ANKRD33B: variants seen among roughly 807,000 people sequenced by gnomAD.
The protein encoded by ANKRD33B is ankyrin repeat domain-containing protein 33B.
A neutral mutation model predicts 21.5 loss-of-function variants in ANKRD33B; 6 were observed. That is an observed-to-expected ratio of 0.28 (90% CI 0.15 to 0.55). The LOEUF (loss-of-function observed/expected upper bound fraction) is 0.55. Among genes scored for constraint, ANKRD33B ranks in the 20% least tolerant of loss-of-function variants. The pLI is 0.94. For synonymous variants in ANKRD33B, 347 were observed against 342.4 expected (o/e 1.01, Z -0.15); for missense variants, 698 against 747.2 (o/e 0.93, Z 0.77).
chr5:10,655,396 C>T lies in ANKRD33B; in HGVS notation c.*5283C>T, dbSNP rs1737460328. On this transcript the variant is annotated 3_prime_UTR_variant, in exon 4 of 4. Coordinates refer to ENST00000296657, the MANE Select transcript of ANKRD33B (RefSeq NM_001164440.2). ...ACCTGAAAAGTGGGTCTGCCACATC[C>T]CTGGTAGCCCGCCTCCAAGAGCACT... 1 of 152,338 alleles carries T rather than the reference C, an allele frequency of 6.6e-6. No homozygotes were observed. The highest frequency in any genetic ancestry group is 1.9e-4 in the East Asian group (1 of 5,338). 9.4% of individuals were successfully genotyped at this position (152,338 alleles called of 1,614,324 possible). A position where few individuals can be genotyped will look rare whatever the true frequency, so the allele number is the denominator to read the frequency against.
intron 2 of ANKRD33B, among the ~76,000 whole-genome samples, chr5:10,635,418 G>A (rs570245577): frequency 1.6e-4 from 24 of 152,258 alleles, no homozygotes; most frequent in African/African-American, 5.8e-4. Flanking sequence ...GCCCCTCCCC[G>A]CACATAGTAA....
intron 1 of ANKRD33B, among the ~76,000 whole-genome samples, chr5:10,588,181 G>A (rs1735609609): frequency 6.6e-6 from 1 of 152,184 alleles, no homozygotes; most frequent in Admixed American, 6.5e-5. Context: ...TGATAAAAAA[G>A]TGACTGCGAA....
chr5:10,598,064 C>G (rs1735853301), intron 1 of ANKRD33B, among the ~76,000 whole-genome samples: 1 of 152,102 alleles, frequency 6.6e-6, no homozygotes. Flanking sequence ...TTCCTGCCTC[C>G]TCCCACATCC....
intron 3 of ANKRD33B, among the ~76,000 whole-genome samples, chr5:10,641,927 T>G (rs980822318): frequency 3.3e-5 from 5 of 152,242 alleles, no homozygotes; most frequent in African/African-American, 7.2e-5. Context: ...CCCTCATCAA[T>G]GAGAAATGGT....
Position 10,649,399 on chromosome 5 carries a change from G to A in ANKRD33B, c.771G>A (p.Glu257=). ...LERPCPEQFW[E]KYRPELPPPP... is the part of the protein sequence containing the mutation. ...GCCCCTGCCCGGAGCAGTTCTGGGA[G>A]AAGTACCGGCCCGAGCTGCCGCCGC... The change falls in exon 4 of 4, where the codon GAG becomes GAA. Residue 257 remains glutamate (E), a synonymous_variant. Transcript: ENST00000296657. 6.5e-7 allele frequency: 1 copy of A among 1,535,566 alleles called. No homozygotes were observed. The highest frequency in any genetic ancestry group is 1.7e-4 in the Middle Eastern group (1 of 5,776).
intron 2 of ANKRD33B, among the ~76,000 whole-genome samples, chr5:10,634,611 C>T (rs1736811079): frequency 6.6e-6 from 1 of 151,810 alleles, no homozygotes; most frequent in Non-Finnish European, 1.5e-5. Flanking sequence ...AGGCATGCAC[C>T]AGCACACCCA....
chr5:10,625,938 G>A (rs553758273), intron 2 of ANKRD33B, among the ~76,000 whole-genome samples: 5 of 152,300 alleles, frequency 3.3e-5, no homozygotes, highest in Admixed American at 6.5e-5. Context: ...ATTACGGGGG[G>A]AAGGGTAGAG....
rs1737315671 is a variant in ANKRD33B at position 10,650,274 on chromosome 5, G to A, written c.*161G>A. 1 of 779,522 alleles carries A rather than the reference G, an allele frequency of 1.3e-6. No individual in the cohort carries two copies. The highest frequency in any genetic ancestry group is 4.3e-5 in the Admixed American group (1 of 23,216). The allele number at this position is 779,522 out of a possible 1,614,324, so 48.3% of individuals were successfully genotyped here. On this transcript the variant is annotated 3_prime_UTR_variant, in exon 4 of 4. Transcript: ENST00000296657. ...GGCTGTTTGTCCAGGCTGCTTCCAA[G>A]AGAGGGCTGAGGGAGCCACATGGAT...
rs761535058 is a variant in ANKRD33B at position 10,613,395 on chromosome 5, C to T, written c.367-4938C>T. ...TGCCTCCCGGGTTCATGCCATTCTC[C>T]TACCTCAGCCTCCTGAGTAGCTAGG... On this transcript the variant is annotated intron_variant, in intron 1 of 3. Coordinates refer to ENST00000296657, the MANE Select transcript of ANKRD33B (RefSeq NM_001164440.2). 1.2e-4 allele frequency among the ~76,000 whole-genome samples: 18 copies of T among 151,704 alleles called. No individual in the cohort carries two copies. The South Asian group carries it at 1.2e-3, about 11-fold the overall frequency.
At chr5:10,578,223 T>A (rs1356273886) in intron 1 of ANKRD33B, among the ~76,000 whole-genome samples, 2 of 152,202 alleles carry the variant, frequency 1.3e-5, no homozygotes, top group African/African-American at 4.8e-5. Flanking sequence ...AAATCCTGTA[T>A]CCTGGGAAAC....
intron 1 of ANKRD33B, among the ~76,000 whole-genome samples, chr5:10,617,928 C>T (rs1736322985): frequency 2.6e-5 from 4 of 152,200 alleles, no homozygotes; most frequent in Admixed American, 2.6e-4. Flanking sequence ...ATCACCTCTG[C>T]CAAGCCCAGC....
At chr5:10,630,006 A>G (rs750539146) in intron 2 of ANKRD33B, among the ~76,000 whole-genome samples, 12 of 152,160 alleles carry the variant, frequency 7.9e-5, no homozygotes, top group Non-Finnish European at 1.5e-4. Flanking sequence ...TGGATCTGGA[A>G]TTGGACTGAA....
intron 1 of ANKRD33B, among the ~76,000 whole-genome samples, chr5:10,587,419 A>G (rs1735589574): frequency 6.6e-6 from 1 of 152,162 alleles, no homozygotes; most frequent in Non-Finnish European, 1.5e-5. Flanking sequence ...GTGATGTTAA[A>G]GATCTTTCTG....
At chr5:10,645,795 T>C (rs1416589884) in intron 3 of ANKRD33B, among the ~76,000 whole-genome samples, 1 of 152,218 alleles carries the variant, frequency 6.6e-6, no homozygotes, top group Non-Finnish European at 1.5e-5. Context: ...CTGGGTTGCT[T>C]GGCTACTTTT....
At chr5:10,621,683 C>G (rs745481437) in intron 2 of ANKRD33B, among the ~76,000 whole-genome samples, 9 of 152,224 alleles carry the variant, frequency 5.9e-5, no homozygotes, top group Non-Finnish European at 8.8e-5. Context: ...TAGAGGCAAT[C>G]ACAAATGCTG....
At chr5:10,611,140 C>CAA (rs1266785710) in intron 1 of ANKRD33B, among the ~76,000 whole-genome samples, 1 of 152,032 alleles carries the variant, frequency 6.6e-6, no homozygotes, top group Non-Finnish European at 1.5e-5. Context: ...ACAGCTGCAC[C>CAA]AAATAGTGAT....
intron 1 of ANKRD33B, among the ~76,000 whole-genome samples, chr5:10,604,432 A>G (rs974263243): frequency 7.3e-5 from 11 of 150,290 alleles, no homozygotes; most frequent in African/African-American, 2.4e-4. Context: ...ACCTCAAGCA[A>G]TCCTCCCACC....
intron 1 of ANKRD33B, among the ~76,000 whole-genome samples, chr5:10,570,102 C>T (rs1014111773): frequency 1.3e-5 from 2 of 152,096 alleles, no homozygotes; most frequent in Non-Finnish European, 2.9e-5. Flanking sequence ...GTCTCGAACT[C>T]CTGAGCTCAA....
chr5:10,565,394 C>A (rs961709524), intron 1 of ANKRD33B, among the ~76,000 whole-genome samples: 12 of 152,248 alleles, frequency 7.9e-5, no homozygotes, highest in Non-Finnish European at 1.6e-4. Flanking sequence ...ACAGCTTGGT[C>A]CCCTACCCCA....
Sources: gnomAD v4.1 joint callset for allele counts (sites outside exome capture counted in the v4.1 genomes callset) on GRCh38, gnomAD v4.1.1 for gene constraint, MANE v1.5 for transcripts, NCBI Gene and HGNC (gene_info 2026-07-23, HGNC 2026-07-21) for gene names.